Variants in PPM1F observed in about 807,000 individuals in gnomAD.
The protein encoded by PPM1F is protein phosphatase 1F.
PPM1F carries 17 observed loss-of-function variants against 35.5 expected under a neutral mutation model. The ratio of observed to expected loss-of-function variants is 0.48; its 90% CI spans 0.33 to 0.72. The LOEUF is 0.72. PPM1F is among the 30% of genes least tolerant of loss of function. The probability of loss-of-function intolerance (pLI) is 0.02; values close to 1 mark genes in which losing one functional copy is unlikely to be tolerated. For synonymous variants in PPM1F, 241 were observed against 255.5 expected, an observed-to-expected ratio of 0.94 and a Z score of 0.54; for missense variants, 521 against 613.0, an observed-to-expected ratio of 0.85 and a Z score of 1.59.
Position 21,931,253 on chromosome 22 carries a change from A to G in PPM1F, c.786T>C (p.Ile262=). ...QSGTTGVCAL[I]AGATLHVAWL... ...AGGCGACGTGCAGGGTCGCTCCTGC[A>G]ATGAGCGCACACACACCTGTGGTGC... Residue 262 remains isoleucine, a synonymous_variant, in exon 6 of 8, where the codon ATT becomes ATC. Coordinates refer to ENST00000263212, the MANE Select transcript of PPM1F (RefSeq NM_014634.4). 1 of 1,613,626 alleles carries G rather than the reference A, an allele frequency of 6.2e-7. No individual in the cohort carries two copies. Among genetic ancestry groups the G allele is most frequent in the Middle Eastern group, 1.6e-4 (1 of 6,062 alleles).
Position 21,939,788 on chromosome 22 carries a change from C to T in PPM1F, c.207-108G>A, listed in dbSNP as rs886813696. The T allele has an allele frequency of 4.7e-5, 62 of 1,326,320 alleles. No individual in the cohort carries two copies. Among genetic ancestry groups the T allele is most frequent in the African/African-American group, 3.4e-4 (23 of 68,386 alleles). The allele number at this position is 1,326,320 out of a possible 1,614,324, so 82.2% of individuals were successfully genotyped here. A position where few individuals can be genotyped will look rare whatever the true frequency, so the allele number is the denominator to read the frequency against. On this transcript the variant is annotated intron_variant, in intron 2 of 7. Transcript: ENST00000263212. This position sits in a 1 kb window ranked among gnomAD's most constrained non-coding sequence, Gnocchi z 5.1. ...TGCTGAGGGGTCACGGCCAGCAGGGCGGCCCCTGTCCTCAGGGAGCTGGGA... is the reference window on the plus strand; with the variant it reads ...TGCTGAGGGGTCACGGCCAGCAGGGTGGCCCCTGTCCTCAGGGAGCTGGGA...
intron 4 of PPM1F, among the ~76,000 whole-genome samples, 196 bp downstream of exon 4, chr22:21,933,828 G>C (rs1214249730): frequency 6.6e-6 from 1 of 152,214 alleles, no homozygotes; most frequent in Admixed American, 6.5e-5. Context: ...GGAGTCAGGG[G>C]AACGTGGCAT....
intron 1 of PPM1F, chr22:21,948,404 G>C (rs1050290545): frequency 1.6e-4 from 24 of 150,910 alleles, no homozygotes; most frequent in African/African-American, 5.4e-4. Flanking sequence ...ACATTCAAAC[G>C]ACAAAGGGAA....
At chr22:21,947,582 G>T (rs1180458429) in intron 1 of PPM1F, 1 of 152,252 alleles carries the variant, frequency 6.6e-6, no homozygotes, top group Non-Finnish European at 1.5e-5. Context: ...CTAGGGTGGA[G>T]AATTTGGGGA....
rs1273367491 is a variant in PPM1F, at chr22:21,934,057, G to C, written c.525C>G (p.Ser175=). The C allele has an allele frequency of 5.1e-6, 8 of 1,565,090 alleles. No homozygotes were observed. In the Middle Eastern group the frequency reaches 7.4e-4, roughly 144 times the overall value. The change falls in exon 4 of 8, where the codon TCC becomes TCG. Residue 175 remains serine (S), a synonymous_variant. Coordinates refer to ENST00000263212, the MANE Select transcript of PPM1F (RefSeq NM_014634.4). ...TRRKMEDRHV[S]LPSFNQLFGL... Reference sequence around the variant, plus strand: ...CGAAGAGCTGGTTGAAGGAAGGGAGGGACACGTGCCGGTCCTCCATCTTGC... The same window carrying C: ...CGAAGAGCTGGTTGAAGGAAGGGAGCGACACGTGCCGGTCCTCCATCTTGC...
At position 21,923,471 on chromosome 22, in the gene PPM1F, C is replaced by A; in HGVS notation, c.986G>T (p.Gly329Val). 1 of 1,597,940 alleles carries A rather than the reference C, an allele frequency of 6.3e-7. No individual in the cohort carries two copies. The highest frequency in any genetic ancestry group is 1.1e-5 in the South Asian group (1 of 90,222). Reference protein sequence around the residue: ...NGTLAVSRAIGDVFQKPYVSG... With the variant: ...NGTLAVSRAIVDVFQKPYVSG... ...CACGTAGGGCTTCTGGAAGACATCC[C>A]CTGGACAGGCGGAGAAGAGCCCGGG... is the stretch of plus-strand genomic sequence containing the variant. The change falls in exon 8 of 8, where the codon GGG (glycine) becomes GTG (valine). Residue 329 changes from glycine to valine, a missense_variant and splice_region_variant. By Grantham distance (109) the Gly-to-Val change is moderately radical. Coordinates refer to ENST00000263212, the MANE Select transcript of PPM1F (RefSeq NM_014634.4).
chr22:21,945,610 T>C, intron 2 of PPM1F: 1 of 528,236 alleles, frequency 1.9e-6, no homozygotes, highest in South Asian at 2.4e-5. Context: ...GCCACCTTGA[T>C]CTTGGACTCT....
chr22:21,933,921 CCTGTCTCAGCCTTGGTGGGCAGCTCTT>C, intron 4 of PPM1F, 76 bp downstream of exon 4: 1 of 1,151,758 alleles, frequency 8.7e-7, no homozygotes, highest in African/African-American at 1.6e-5. Context: ...GGGTGTCTCT[CCTGTCTCAGCCTTGGTGGGCAGCTCTT>C]CTCGGTACCT....
Position 21,920,890 on chromosome 22 carries a change from G to C in PPM1F, c.*2202C>G, listed in dbSNP as rs1035205169. On this transcript the variant is annotated 3_prime_UTR_variant, in exon 8 of 8. Coordinates refer to ENST00000263212, the MANE Select transcript of PPM1F (RefSeq NM_014634.4). ...AAGGTTATGCCCACGGGCAGGGTGGGCTAGTGGTGAGGGTGGAGCTGCGTC... is the reference window on the plus strand; with the variant it reads ...AAGGTTATGCCCACGGGCAGGGTGGCCTAGTGGTGAGGGTGGAGCTGCGTC... 1 of 152,250 alleles carries C rather than the reference G, an allele frequency of 6.6e-6. No homozygotes were observed. The highest frequency in any genetic ancestry group is 1.5e-5 in the Non-Finnish European group (1 of 68,052). 9.4% of individuals were successfully genotyped at this position (152,250 alleles called of 1,614,324 possible).
At chr22:21,926,131 T>TC (rs1491432479) in intron 6 of PPM1F, 15 of 135,828 alleles carry the variant, frequency 1.1e-4, no homozygotes, top group Admixed American at 3.1e-4. Flanking sequence ...CCCGCCCAGT[T>TC]CTTTTTTTTT....
chr22:21,925,899 C>G (rs1453071479), intron 6 of PPM1F: 3 of 442,094 alleles, frequency 6.8e-6, no homozygotes, highest in Non-Finnish European at 1.2e-5. Context: ...AACGGACCAC[C>G]TGAGGCCGCC....
intron 7 of PPM1F, 58 bp downstream of exon 7, chr22:21,925,511 C>T (rs371430902): frequency 4.6e-6 from 7 of 1,514,424 alleles, no homozygotes; most frequent in South Asian, 1.1e-5. Flanking sequence ...GGGCCACACT[C>T]GAGGCCTGGG....
chr22:21,934,945 T>G (rs1181599171), intron 3 of PPM1F: 1 of 144,766 alleles, frequency 6.9e-6, no homozygotes, highest in East Asian at 2.1e-4. Flanking sequence ...TGCTATTAAA[T>G]ATGATTTTCA....
chr22:21,939,563 G>A lies in PPM1F; in HGVS notation c.324C>T (p.Asp108=), dbSNP rs546978184. 7.6e-6 allele frequency: 12 copies of A among 1,581,938 alleles called. No individual in the cohort carries two copies. The highest frequency in any genetic ancestry group is 6.8e-5 in the East Asian group (3 of 43,868). ...LPREEEEEEE[D]DDEEEKAPVT... ...CAGGGGCCTTTTCCTCCTCGTCATC[G>A]TCCTCCTCCTCTTCTTCTTCCTCCC... is the stretch of plus-strand genomic sequence containing the variant. The change falls in exon 3 of 8, where the codon GAC becomes GAT. Residue 108 remains aspartate (D), a synonymous_variant. Transcript: ENST00000263212. The surrounding 1 kb of genome is among the most constrained non-coding windows in gnomAD (Gnocchi z 5.1).
intron 2 of PPM1F, chr22:21,940,533 T>C: frequency 6.6e-6 from 1 of 150,660 alleles, no homozygotes; most frequent in Non-Finnish European, 1.5e-5. Context: ...ACAGAGAGAA[T>C]GCCAGGGGAA....
intron 6 of PPM1F, among the ~76,000 whole-genome samples, chr22:21,927,580 A>ATGCC (rs1480601923): frequency 3.3e-5 from 5 of 152,232 alleles, no homozygotes; most frequent in Non-Finnish European, 7.3e-5. Context: ...ACAGGGGGCC[A>ATGCC]TGCAGGCTAA....
chr22:21,929,580 G>T (rs1207300381), intron 6 of PPM1F, among the ~76,000 whole-genome samples: 3 of 152,232 alleles, frequency 2.0e-5, no homozygotes, highest in African/African-American at 7.2e-5. Flanking sequence ...CAGCAGGTGG[G>T]AGTGGGCCCA....
rs575671165 is a variant in PPM1F, at chr22:21,946,054, A to G, written c.-6T>C. ...TGTGGGGCTCCAGAGGACATGCCCA[A>G]AGCATCCCGGGGGCCTGCAGCTAGG... On this transcript the variant is annotated 5_prime_UTR_variant, in exon 2 of 8. Transcript: ENST00000263212. 316 of 1,511,496 alleles carry G rather than the reference A, an allele frequency of 2.1e-4. 2 individuals carry two copies. Among genetic ancestry groups the G allele is most frequent in the South Asian group, 1.6e-3 (125 of 76,254 alleles). The allele number at this position is 1,511,496 out of a possible 1,614,324, so 93.6% of individuals were successfully genotyped here.
rs560966930 is a variant in PPM1F, at chr22:21,928,077, C to T, written c.892-2415G>A. Among the ~76,000 whole-genome samples, 9 of 151,164 alleles carry T rather than the reference C, an allele frequency of 6.0e-5. No individual in the cohort carries two copies. In the East Asian group the frequency reaches 1.4e-3, roughly 23 times the overall value. On this transcript the variant is annotated intron_variant, in intron 6 of 7. Transcript: ENST00000263212. ...CAAGCCATCTCCTGCCTTCGCCTCC[C>T]GACTGCCCAGCGCCCACCCCCTCAG...
Sources: allele counts gnomAD v4.1 joint callset (sites outside exome capture counted in the v4.1 genomes callset), GRCh38; gene constraint gnomAD v4.1.1; non-coding constraint Gnocchi (gnomAD v3.1); transcripts MANE v1.5; gene names NCBI Gene and HGNC (gene_info 2026-07-23, HGNC 2026-07-21).